DOCK1: variants seen among roughly 807,000 people sequenced by gnomAD.
The protein encoded by DOCK1 is dedicator of cytokinesis 1.
DOCK1 carries 138 observed loss-of-function variants against 262.7 expected under a neutral mutation model. The observed-to-expected ratio is 0.53, with a 90% CI of 0.46 to 0.61. DOCK1 has a LOEUF of 0.61. Among genes scored for constraint, DOCK1 ranks in the 20% least tolerant of loss-of-function variants. The pLI is 0.00. For missense variants in DOCK1, 1,908 were observed against 2,370.7 expected (o/e 0.80, Z 4.05); for synonymous variants, 866 against 867.4 (o/e 1.00, Z 0.03).
At chr10:127,320,850 G>A (rs538650982) in intron 29 of DOCK1, among the ~76,000 whole-genome samples, 4 of 152,138 alleles carry the variant, frequency 2.6e-5, no homozygotes, top group Admixed American at 1.3e-4. Context: ...CTTCCTTGTC[G>A]ATTGTCCCTT....
At chr10:127,115,287 C>G (rs2049114639) in intron 25 of DOCK1, among the ~76,000 whole-genome samples, 1 of 152,170 alleles carries the variant, frequency 6.6e-6, no homozygotes, top group South Asian at 2.1e-4. Flanking sequence ...GATGCATTAG[C>G]ATACTGTGTG....
At chr10:126,940,632 G>A (rs1248549802) in intron 1 of DOCK1, among the ~76,000 whole-genome samples, 3 of 152,126 alleles carry the variant, frequency 2.0e-5, no homozygotes, top group Non-Finnish European at 2.9e-5. Flanking sequence ...TCGAACTCCT[G>A]ACCTCAAGTG....
intron 1 of DOCK1, among the ~76,000 whole-genome samples, chr10:126,911,922 G>C (rs763433981): frequency 5.9e-5 from 9 of 152,204 alleles, no homozygotes; most frequent in Non-Finnish European, 1.3e-4. Context: ...TTGTGTGTTA[G>C]TTGACTGGAG....
At chr10:127,166,034 T>A (rs930151461) in intron 27 of DOCK1, among the ~76,000 whole-genome samples, 5 of 152,170 alleles carry the variant, frequency 3.3e-5, no homozygotes, top group African/African-American at 1.2e-4. Flanking sequence ...GCAAAAAAAT[T>A]AAAAAATTTA....
intron 29 of DOCK1, among the ~76,000 whole-genome samples, chr10:127,301,267 G>T (rs946799086): frequency 5.9e-5 from 9 of 152,204 alleles, no homozygotes; most frequent in African/African-American, 2.2e-4. Flanking sequence ...GAGGGTTAAT[G>T]ATTAGGTTTC....
chr10:127,186,230 T>C (rs151183598), intron 27 of DOCK1, among the ~76,000 whole-genome samples: 1 of 152,292 alleles, frequency 6.6e-6, no homozygotes, highest in East Asian at 1.9e-4. Flanking sequence ...CTGGGTTATT[T>C]ATAAAGGACA....
chr10:127,156,713 C>A (rs1360159795), intron 27 of DOCK1, among the ~76,000 whole-genome samples: 1 of 151,972 alleles, frequency 6.6e-6, no homozygotes, highest in Non-Finnish European at 1.5e-5. Flanking sequence ...GGATTACAGG[C>A]ATACGCCACC....
chr10:127,345,172 T>C (rs1389722500), intron 31 of DOCK1, among the ~76,000 whole-genome samples: 1 of 152,224 alleles, frequency 6.6e-6, no homozygotes, highest in African/African-American at 2.4e-5. Flanking sequence ...GACATATTTC[T>C]CAGAACATAT....
Position 126,995,513 on chromosome 10 carries a change from G to A in DOCK1, c.474-1235G>A, listed in dbSNP as rs1008303261. Reference sequence around the variant, plus strand: ...AAACCAGTCAGGTGTGGCGGCGCGCGCCTGCAATCCCAGGCACTCCGCAGG... The same window carrying A: ...AAACCAGTCAGGTGTGGCGGCGCGCACCTGCAATCCCAGGCACTCCGCAGG... On this transcript the variant is annotated intron_variant, in intron 6 of 51. Coordinates refer to ENST00000623213, the MANE Select transcript of DOCK1 (RefSeq NM_001290223.2). This position sits in a 1 kb window ranked among gnomAD's most constrained non-coding sequence, Gnocchi z 5.8. 4.6e-5 allele frequency among the ~76,000 whole-genome samples: 7 copies of A among 152,220 alleles called. No individual in the cohort carries two copies. Among genetic ancestry groups the A allele is most frequent in the Admixed American group, 3.3e-4 (5 of 15,288 alleles).
chr10:127,034,895 G>A (rs2043488702), intron 18 of DOCK1, among the ~76,000 whole-genome samples: 1 of 152,166 alleles, frequency 6.6e-6, no homozygotes, highest in African/African-American at 2.4e-5. Flanking sequence ...ACATCCCCCC[G>A]GGGGGTGGGG....
rs917053057 is a variant in DOCK1, at chr10:127,413,710, A to G, written c.4429-1442A>G. ...GAGAGAAAGCACTGGAATCTGGTCT[A>G]GAGGTGGATGTGAGAGGGCCAGACC... On this transcript the variant is annotated intron_variant, in intron 43 of 51. Transcript: ENST00000623213. Among the ~76,000 whole-genome samples the G allele has an allele frequency of 2.6e-5, 4 of 152,170 alleles. No homozygotes were observed. In the South Asian group the frequency reaches 8.3e-4, roughly 32 times the overall value.
chr10:127,416,012 C>T (rs2068128556), intron 44 of DOCK1, among the ~76,000 whole-genome samples: 1 of 152,210 alleles, frequency 6.6e-6, no homozygotes, highest in African/African-American at 2.4e-5. Flanking sequence ...AATGAGTCCC[C>T]CCGAAACACC....
chr10:127,129,353 T>G (rs1172332267), intron 27 of DOCK1, among the ~76,000 whole-genome samples: 1 of 152,264 alleles, frequency 6.6e-6, no homozygotes, highest in Non-Finnish European at 1.5e-5. Flanking sequence ...CTTTTAAGTT[T>G]GGATTACAAC....
chr10:127,409,142 C>G lies in DOCK1; in HGVS notation c.4228C>G (p.Pro1410Ala). Residue 1410 changes from proline to alanine, a missense_variant, in exon 41 of 52, where the codon CCA becomes GCA. Physicochemically the swap from Pro to Ala is conservative, Grantham distance 27 (BLOSUM62 -1). Coordinates refer to ENST00000623213, the MANE Select transcript of DOCK1 (RefSeq NM_001290223.2). The part of the protein sequence containing the change: ...PNAEKMKTTS[P>A]PGDDIKNSPG... ...CGCCGAGAAAATGAAGACAACATCTCCACCAGGCGACGATATTAAAAACTC... is the reference window on the plus strand; with the variant it reads ...CGCCGAGAAAATGAAGACAACATCTGCACCAGGCGACGATATTAAAAACTC... 6.2e-7 allele frequency: 1 copy of G among 1,612,824 alleles called. No individual in the cohort carries two copies. Among genetic ancestry groups the G allele is most frequent in the Non-Finnish European group, 8.5e-7 (1 of 1,179,398 alleles).
intron 29 of DOCK1, among the ~76,000 whole-genome samples, chr10:127,291,393 A>G (rs886843823): frequency 2.6e-5 from 4 of 152,072 alleles, no homozygotes; most frequent in African/African-American, 9.7e-5. Flanking sequence ...CCACCCCCAG[A>G]CAGAGATGTA....
intron 31 of DOCK1, among the ~76,000 whole-genome samples, chr10:127,353,289 G>T (rs1192186870): frequency 6.6e-6 from 1 of 152,158 alleles, no homozygotes; most frequent in Non-Finnish European, 1.5e-5. Flanking sequence ...CCCAGCCCTG[G>T]CCGCAGCAGC....
At position 127,040,960 on chromosome 10, in the gene DOCK1, G is replaced by A. The variant is rs146466761; in HGVS notation, c.2011-1665G>A. Reference sequence around the variant, plus strand: ...TAACCACTAATCTGCTTCCTGTCTCGATGGATTTACCTGTTCTGGATATTT... The same window carrying A: ...TAACCACTAATCTGCTTCCTGTCTCAATGGATTTACCTGTTCTGGATATTT... On this transcript the variant is annotated intron_variant, in intron 19 of 51. Transcript: ENST00000623213. Among the ~76,000 whole-genome samples, 31 of 152,162 alleles carry A rather than the reference G, an allele frequency of 2.0e-4. No homozygotes were observed. The South Asian group carries it at 5.4e-3, about 26-fold the overall frequency.
At chr10:126,961,274 A>G (rs1212766598) in intron 1 of DOCK1, among the ~76,000 whole-genome samples, 1 of 152,262 alleles carries the variant, frequency 6.6e-6, no homozygotes, top group East Asian at 1.9e-4. Context: ...GGTGACTTTG[A>G]AAGTGGTGTC....
At chr10:127,217,414 C>G (rs2134400305) in intron 27 of DOCK1, among the ~76,000 whole-genome samples, 1 of 152,290 alleles carries the variant, frequency 6.6e-6, no homozygotes, top group South Asian at 2.1e-4. Context: ...GACAAGAAGC[C>G]TATCATGTGT....
Sources: gnomAD v4.1 joint callset for allele counts (sites outside exome capture counted in the v4.1 genomes callset) on GRCh38, gnomAD v4.1.1 for gene constraint, Gnocchi (gnomAD v3.1) non-coding constraint, MANE v1.5 for transcripts, NCBI Gene and HGNC (gene_info 2026-07-23, HGNC 2026-07-21) for gene names.